The following NIPA1 variants were observed in gnomAD, a reference collection of about 807,000 sequenced individuals.
NIPA1 encodes the protein magnesium transporter NIPA1.
In NIPA1, 13 loss-of-function variants were observed where a neutral mutation model predicts 23.9. The ratio of observed to expected loss-of-function variants is 0.54; its 90% CI spans 0.35 to 0.87. The LOEUF is 0.87. Ranked by LOEUF, NIPA1 falls within the 40% of genes least tolerant of loss-of-function variation. The pLI, the probability that NIPA1 is intolerant of heterozygous loss-of-function variation, is 0.01. For missense variants in NIPA1, 362 were observed against 429.7 expected, an observed-to-expected ratio of 0.84 and a Z score of 1.39; for synonymous variants, 234 against 202.9, an observed-to-expected ratio of 1.15 and a Z score of -1.30.
At chr15:22,820,149 A>AT (rs1895507691) in intron 3 of NIPA1, among the ~76,000 whole-genome samples, 164 bp from the exon 4 acceptor site, 1 of 152,110 alleles carries the variant, frequency 6.6e-6, no homozygotes, top group Non-Finnish European at 1.5e-5. Flanking sequence ...GTGAGCTGTG[A>AT]TTGCACCACT....
Position 22,823,710 on chromosome 15 carries a change from G to T in NIPA1, c.479-18G>T, listed in dbSNP as rs1206079072. On this transcript the variant is annotated intron_variant, in intron 4 of 4. Coordinates refer to ENST00000337435, the MANE Select transcript of NIPA1 (RefSeq NM_144599.5). ...CTAGGCGGTGGCTCCGGGTGACTGTGTGCTGTCTGTGTTCCAGTGTTTGTG... is the reference window on the plus strand; with the variant it reads ...CTAGGCGGTGGCTCCGGGTGACTGTTTGCTGTCTGTGTTCCAGTGTTTGTG... 2 of 1,594,434 alleles carry T rather than the reference G, an allele frequency of 1.3e-6. No homozygotes were observed. The highest frequency in any genetic ancestry group is 1.1e-5 in the South Asian group (1 of 90,114).
At chr15:22,789,139 G>A (rs756678902) in intron 1 of NIPA1, among the ~76,000 whole-genome samples, 1 of 151,620 alleles carries the variant, frequency 6.6e-6, no homozygotes, top group Non-Finnish European at 1.5e-5. Context: ...ACAGGCGCGT[G>A]CCACCATATC....
At chr15:22,809,348 C>G (rs924873338) in intron 1 of NIPA1, among the ~76,000 whole-genome samples, 2 of 152,020 alleles carry the variant, frequency 1.3e-5, no homozygotes, top group African/African-American at 4.8e-5. Context: ...GATCGTGCCA[C>G]TGCACTCCAG....
intron 1 of NIPA1, among the ~76,000 whole-genome samples, chr15:22,806,735 A>G (rs1304964391): frequency 6.6e-6 from 1 of 152,206 alleles, no homozygotes; most frequent in African/African-American, 2.4e-5. Context: ...ATATCCTCAC[A>G]GATATCTGTA....
In NIPA1 at chr15:22,824,434, T is replaced by C. The variant is rs1409418331; in HGVS notation, c.*195T>C. On this transcript the variant is annotated 3_prime_UTR_variant, in exon 5 of 5. Transcript: ENST00000337435. This position sits in a 1 kb window ranked among gnomAD's most constrained non-coding sequence, Gnocchi z 4.1. Reference sequence around the variant, plus strand: ...CAGCCAGCCCTCTGCAGCCCAAACGTCCCCAACGGTTGCCTGGCACCATCT... The same window carrying C: ...CAGCCAGCCCTCTGCAGCCCAAACGCCCCCAACGGTTGCCTGGCACCATCT... 7 of 602,598 alleles carry C rather than the reference T, an allele frequency of 1.2e-5. No homozygotes were observed. In the Admixed American group the frequency reaches 1.4e-4, roughly 12 times the overall value. The allele number at this position is 602,598 out of a possible 1,614,324, so 37.3% of individuals were successfully genotyped here.
At chr15:22,809,887 T>C (rs1233759738) in intron 1 of NIPA1, among the ~76,000 whole-genome samples, 1 of 151,612 alleles carries the variant, frequency 6.6e-6, no homozygotes, top group Non-Finnish European at 1.5e-5. Context: ...TAAAAAAAAA[T>C]ACAAAATTAG....
In NIPA1 at chr15:22,824,283, G is replaced by T; in HGVS notation, c.*44G>T. ...ATGGTTCGAGGAATAGGCATTGGAGGTGGTTTCTGGCCGTGATTGGATGTG... is the reference window on the plus strand; with the variant it reads ...ATGGTTCGAGGAATAGGCATTGGAGTTGGTTTCTGGCCGTGATTGGATGTG... On this transcript the variant is annotated 3_prime_UTR_variant, in exon 5 of 5. Transcript: ENST00000337435. This position sits in a 1 kb window ranked among gnomAD's most constrained non-coding sequence, Gnocchi z 4.1. 2 of 1,547,150 alleles carry T rather than the reference G, an allele frequency of 1.3e-6. No individual in the cohort carries two copies. Among genetic ancestry groups the T allele is most frequent in the Non-Finnish European group, 8.9e-7 (1 of 1,119,516 alleles).
Position 22,788,498 on chromosome 15 carries a change from C to CAAAAAAAAAAAAAAAAAAAA in NIPA1, c.178+1681_178+1682insAAAAAAAAAAAAAAAAAAAA, listed in dbSNP as rs905296655. On this transcript the variant is annotated intron_variant, in intron 1 of 4. Coordinates refer to ENST00000337435, the MANE Select transcript of NIPA1 (RefSeq NM_144599.5). ...TGGGCGGCAGAGCAAGACTCCATCTCAAAAAAAAAAAAAAAAATCTTGCAG... is the reference window on the plus strand; with the variant it reads ...TGGGCGGCAGAGCAAGACTCCATCTCAAAAAAAAAAAAAAAAAAAAAAAAAAAAAAAAAAAAATCTTGCAG... Among the ~76,000 whole-genome samples the CAAAAAAAAAAAAAAAAAAAA allele has an allele frequency of 3.6e-4, 32 of 89,570 alleles. 2 individuals are homozygous for CAAAAAAAAAAAAAAAAAAAA. The highest frequency in any genetic ancestry group is 7.4e-4 in the South Asian group (2 of 2,688). The allele number at this position is 89,570 out of a possible 152,430, so 58.8% of individuals were successfully genotyped here.
intron 1 of NIPA1, among the ~76,000 whole-genome samples, chr15:22,806,483 G>T (rs968339523): frequency 2.0e-5 from 3 of 152,216 alleles, no homozygotes; most frequent in Non-Finnish European, 4.4e-5. Context: ...ACCTAGGAGT[G>T]GGGGAGGAGA....
chr15:22,789,404 C>T (rs1695378170), intron 1 of NIPA1, among the ~76,000 whole-genome samples: 1 of 152,182 alleles, frequency 6.6e-6, no homozygotes. Context: ...AGCCTCCCGT[C>T]CAGGAGGCCA....
chr15:22,799,150 T>C (rs2140855108), intron 1 of NIPA1, among the ~76,000 whole-genome samples: 1 of 152,292 alleles, frequency 6.6e-6, no homozygotes, highest in South Asian at 2.1e-4. Context: ...TGGCACTACT[T>C]ACAATAGCAG....
chr15:22,819,616 A>G (rs1417336159), intron 3 of NIPA1, among the ~76,000 whole-genome samples: 5 of 152,096 alleles, frequency 3.3e-5, no homozygotes, highest in South Asian at 2.1e-4. Context: ...TACTATTAGC[A>G]TTTTTATTTT....
intron 1 of NIPA1, among the ~76,000 whole-genome samples, chr15:22,803,717 T>A (rs1895138926): frequency 7.2e-6 from 1 of 137,946 alleles, no homozygotes; most frequent in Non-Finnish European, 1.5e-5. Flanking sequence ...TCTTGCTCTG[T>A]CGCCCAGGCT....
intron 4 of NIPA1, 87 bp from the exon 5 acceptor site, chr15:22,823,640 TG>T: frequency 3.5e-6 from 5 of 1,410,452 alleles, no homozygotes; most frequent in Non-Finnish European, 4.8e-6. Context: ...GGGTGGCGGG[TG>T]GGGGCCCGGG....
At chr15:22,803,236 C>T (rs2140859272) in intron 1 of NIPA1, among the ~76,000 whole-genome samples, 1 of 152,062 alleles carries the variant, frequency 6.6e-6, no homozygotes, top group South Asian at 2.1e-4. Flanking sequence ...GGATTATAGG[C>T]ATGAGCCACC....
intron 1 of NIPA1, among the ~76,000 whole-genome samples, chr15:22,793,926 T>C (rs949585459): frequency 1.3e-5 from 2 of 152,194 alleles, no homozygotes; most frequent in Admixed American, 6.6e-5. Context: ...CATTGGTCTG[T>C]GTGTCTTTTT....
chr15:22,800,080 G>C (rs1403866258), intron 1 of NIPA1, among the ~76,000 whole-genome samples: 2 of 151,802 alleles, frequency 1.3e-5, no homozygotes, highest in East Asian at 3.9e-4. Context: ...GCACTATTTG[G>C]GTGATGAGTT....
At chr15:22,813,489 T>A (rs1156971841) in intron 3 of NIPA1, 1 of 358,716 alleles carries the variant, frequency 2.8e-6, no homozygotes, top group African/African-American at 2.1e-5. Context: ...ATGAGATACT[T>A]ATTAAATAAC....
rs1156843884 is a variant in NIPA1, at chr15:22,824,997, A to G, written c.*758A>G. Reference sequence around the variant, plus strand: ...TTCGAGTATGCTTTAATATTTCAATATTCAAGTTACAAATGTATAAGGCAG... The same window carrying G: ...TTCGAGTATGCTTTAATATTTCAATGTTCAAGTTACAAATGTATAAGGCAG... On this transcript the variant is annotated 3_prime_UTR_variant, in exon 5 of 5. Transcript: ENST00000337435. This position sits in a 1 kb window ranked among gnomAD's most constrained non-coding sequence, Gnocchi z 4.1. 6.6e-6 allele frequency: 1 copy of G among 152,646 alleles called. No individual in the cohort carries two copies. Among genetic ancestry groups the G allele is most frequent in the Admixed American group, 6.5e-5 (1 of 15,286 alleles). 9.5% of individuals were successfully genotyped at this position (152,646 alleles called of 1,614,324 possible).
Sources: gnomAD v4.1 joint callset for allele counts (sites outside exome capture counted in the v4.1 genomes callset) on GRCh38, gnomAD v4.1.1 for gene constraint, Gnocchi (gnomAD v3.1) non-coding constraint, MANE v1.5 for transcripts, NCBI Gene and HGNC (gene_info 2026-07-23, HGNC 2026-07-21) for gene names.